FBXL5: variants seen among roughly 807,000 people sequenced by gnomAD.
FBXL5 encodes the protein F-box/LRR-repeat protein 5.
FBXL5 carries 26 observed loss-of-function variants against 78.3 expected under a neutral mutation model. The ratio of observed to expected loss-of-function variants is 0.33; its 90% CI spans 0.24 to 0.46. The LOEUF is 0.46. Ranked by LOEUF, FBXL5 falls within the 20% of genes least tolerant of loss-of-function variation. FBXL5 has a pLI of 1.00. For synonymous variants in FBXL5, 295 were observed against 282.5 expected, an observed-to-expected ratio of 1.04 and a Z score of -0.45; for missense variants, 710 against 829.2, an observed-to-expected ratio of 0.86 and a Z score of 1.77.
chr4:15,618,162 G>A (rs566422177), intron 9 of FBXL5, among the ~76,000 whole-genome samples: 1 of 151,538 alleles, frequency 6.6e-6, no homozygotes, highest in Non-Finnish European at 1.5e-5. Context: ...GCTAGATTAA[G>A]AAAAAAAGAG....
intron 5 of FBXL5, among the ~76,000 whole-genome samples, chr4:15,631,328 T>C (rs777524405): frequency 9.9e-5 from 15 of 152,242 alleles, no homozygotes; most frequent in Admixed American, 2.0e-4. Flanking sequence ...TGATGGACAT[T>C]TGGGTTGGTT....
intron 5 of FBXL5, among the ~76,000 whole-genome samples, chr4:15,634,612 C>A (rs952353399): frequency 6.6e-6 from 1 of 152,052 alleles, no homozygotes; most frequent in Non-Finnish European, 1.5e-5. Context: ...GGTGATCCAC[C>A]CACCTCAGCC....
intron 2 of FBXL5, among the ~76,000 whole-genome samples, chr4:15,641,979 G>C (rs1714931605): frequency 6.6e-6 from 1 of 151,590 alleles, no homozygotes; most frequent in Non-Finnish European, 1.5e-5. Flanking sequence ...GGTGAGCCGA[G>C]ATTGCACCAC....
chr4:15,626,170 A>C (rs980313412), intron 8 of FBXL5, among the ~76,000 whole-genome samples, 193 bp from the exon 9 acceptor site: 5 of 152,204 alleles, frequency 3.3e-5, no homozygotes, highest in Non-Finnish European at 5.9e-5. Context: ...AGTAATAAGG[A>C]AGTCAAAGTA....
intron 5 of FBXL5, among the ~76,000 whole-genome samples, chr4:15,635,330 CAA>C (rs779796352): frequency 1.4e-4 from 14 of 100,836 alleles, no homozygotes; most frequent in Admixed American, 3.1e-4. Flanking sequence ...AACCCCATCT[CAA>C]AAAAAAAAAA....
intron 5 of FBXL5, among the ~76,000 whole-genome samples, chr4:15,632,730 G>C (rs1022072021): frequency 1.3e-5 from 2 of 152,116 alleles, no homozygotes. Context: ...GTATAAGAAT[G>C]CTTGTGATTT....
intron 9 of FBXL5, among the ~76,000 whole-genome samples, chr4:15,617,618 C>T (rs1712041367): frequency 6.6e-6 from 1 of 150,782 alleles, no homozygotes; most frequent in Non-Finnish European, 1.5e-5. Flanking sequence ...TAAAAAGGAA[C>T]AAGATCATGT....
chr4:15,635,717 C>T (rs1560227445), intron 5 of FBXL5, among the ~76,000 whole-genome samples: 1 of 145,638 alleles, frequency 6.9e-6, no homozygotes, highest in African/African-American at 2.5e-5. Context: ...CGCGCCATTG[C>T]ACTCTTGCCT....
chr4:15,625,311 T>C lies in FBXL5; in HGVS notation c.1791A>G (p.Gly597=). ...ATAAACTGAGAAACAGAAGTACACG[T>C]CCAGTCTCTTGATCAGATTTTTCAC... ...FGSEKSDQET[G]RVLLFLSLSG... Residue 597 remains glycine (G), a synonymous_variant, in exon 9 of 11, where the codon GGA becomes GGG. Transcript: ENST00000341285. 17 of 1,614,144 alleles carry C rather than the reference T, an allele frequency of 1.1e-5. No individual in the cohort carries two copies. Among genetic ancestry groups the C allele is most frequent in the Non-Finnish European group, 1.4e-5 (17 of 1,179,988 alleles).
chr4:15,665,914 A>G (rs573215703), intron 1 of FBXL5, among the ~76,000 whole-genome samples: 1 of 152,272 alleles, frequency 6.6e-6, no homozygotes, highest in Admixed American at 6.5e-5. Flanking sequence ...GAACTGTCCA[A>G]GACCATAAGC....
At chr4:15,642,243 CT>C (rs34820897) in intron 2 of FBXL5, among the ~76,000 whole-genome samples, 36,500 of 141,546 alleles carry the variant, frequency 0.26, 4,562 homozygotes, top group African/African-American at 0.29. Context: ...ATAATGAAAA[CT>C]TTTTTTTTTT....
rs1400599334 is a variant in FBXL5, at chr4:15,605,712, G to T, written c.*11C>A. ...AGCTAAATGAAGTAGACAAAGATCA[G>T]AAGTCAAGGGTCATTCGCCAGAGCG... On this transcript the variant is annotated 3_prime_UTR_variant, in exon 11 of 11. Transcript: ENST00000341285. The T allele has an allele frequency of 6.2e-7, 1 of 1,612,284 alleles. No homozygotes were observed. Among genetic ancestry groups the T allele is most frequent in the South Asian group, 1.1e-5 (1 of 90,918 alleles).
intron 6 of FBXL5, among the ~76,000 whole-genome samples, chr4:15,628,856 T>A (rs1053025424): frequency 6.6e-6 from 1 of 152,032 alleles, no homozygotes; most frequent in African/African-American, 2.4e-5. Context: ...CTACTATAAT[T>A]TTATTCCCAA....
At chr4:15,642,475 A>C (rs1714985184) in intron 2 of FBXL5, among the ~76,000 whole-genome samples, 1 of 152,048 alleles carries the variant, frequency 6.6e-6, no homozygotes. Context: ...ACCTCAAGTG[A>C]TCTGCCCGCC....
chr4:15,672,531 T>C (rs1717807898), intron 1 of FBXL5, among the ~76,000 whole-genome samples: 1 of 152,224 alleles, frequency 6.6e-6, no homozygotes, highest in Admixed American at 6.5e-5. Flanking sequence ...AATGGTATTT[T>C]TGTATCTAAA....
intron 1 of FBXL5, among the ~76,000 whole-genome samples, chr4:15,679,490 A>C (rs537375259): frequency 6.6e-6 from 1 of 152,142 alleles, no homozygotes; most frequent in African/African-American, 2.4e-5. Context: ...GATTTTGATC[A>C]CAAGAGATTT....
rs551811908 is a variant in FBXL5 at position 15,631,604 on chromosome 4, G to A, written c.767-813C>T. On this transcript the variant is annotated intron_variant, in intron 5 of 10. Coordinates refer to ENST00000341285, the MANE Select transcript of FBXL5 (RefSeq NM_012161.4). ...GTTGTTTCCTGACTTTTTAATGATC[G>A]CCATTCTAACTGGTGTGAGATGGTA... 3.2e-4 allele frequency among the ~76,000 whole-genome samples: 49 copies of A among 152,182 alleles called. 1 individual carries two copies. The South Asian group carries it at 8.7e-3, about 27-fold the overall frequency.
upstream of FBXL5, among the ~76,000 whole-genome samples, chr4:15,658,938 A>G: frequency 6.6e-6 from 1 of 152,214 alleles, no homozygotes; most frequent in East Asian, 1.9e-4. Context: ...CAGGAGCTTG[A>G]GATATAAAGT....
chr4:15,636,834 G>A (rs371751435), intron 4 of FBXL5, among the ~76,000 whole-genome samples, 158 bp from the exon 5 acceptor site: 19 of 152,122 alleles, frequency 1.2e-4, no homozygotes, highest in Non-Finnish European at 1.8e-4. Context: ...AGGTAACATG[G>A]GGATGTTAAA....
Sources: gnomAD v4.1 joint callset for allele counts (sites outside exome capture counted in the v4.1 genomes callset) on GRCh38, gnomAD v4.1.1 for gene constraint, MANE v1.5 for transcripts, NCBI Gene and HGNC (gene_info 2026-07-23, HGNC 2026-07-21) for gene names.